Variants in USP33 observed in about 807,000 individuals in gnomAD.
USP33 encodes the protein ubiquitin specific peptidase 33.
A neutral mutation model predicts 124.2 loss-of-function variants in USP33; 46 were observed. That is an observed-to-expected ratio of 0.37 (90% confidence interval 0.29 to 0.47). The LOEUF (loss-of-function observed/expected upper bound fraction) is 0.47. Ranked by LOEUF, USP33 falls within the 20% of genes least tolerant of loss-of-function variation. The probability of loss-of-function intolerance (pLI) is 0.99; values close to 1 mark genes in which losing one functional copy is unlikely to be tolerated. For missense variants in USP33, 851 were observed against 1,070.6 expected, an observed-to-expected ratio of 0.79 and a Z score of 2.86; for synonymous variants, 350 against 352.3, an observed-to-expected ratio of 0.99 and a Z score of 0.07.
rs1264018811 is a variant in USP33, at chr1:77,696,605, A to G, written c.*712T>C. 1 of 152,336 alleles carries G rather than the reference A, an allele frequency of 6.6e-6. No individual in the cohort carries two copies. The highest frequency in any genetic ancestry group is 2.4e-5 in the African/African-American group (1 of 41,452). The allele number at this position is 152,336 out of a possible 1,614,324, so 9.4% of individuals were successfully genotyped here. A position where few individuals can be genotyped will look rare whatever the true frequency, so the allele number is the denominator to read the frequency against. On this transcript the variant is annotated 3_prime_UTR_variant, in exon 24 of 24. Transcript: ENST00000370794. The stretch of plus-strand genomic sequence containing the variant: ...CTTTATTATATGAAGCCATGACAAA[A>G]CTATACAATTAAATTGGGCTTTTGG...
At chr1:77,727,680 C>T (rs1677319369) in intron 10 of USP33, among the ~76,000 whole-genome samples, 2 of 152,212 alleles carry the variant, frequency 1.3e-5, no homozygotes. Flanking sequence ...TTTAAGATCA[C>T]ATAATTTGAA....
chr1:77,722,323 AC>A, intron 12 of USP33, 127 bp from the exon 13 acceptor site: 1 of 956,564 alleles, frequency 1.0e-6, no homozygotes, highest in East Asian at 2.6e-5. Flanking sequence ...ACAAAAAAAA[AC>A]ACGCAAATTG....
At chr1:77,705,139 G>C (rs1674476532) in intron 21 of USP33, among the ~76,000 whole-genome samples, 1 of 145,846 alleles carries the variant, frequency 6.9e-6, no homozygotes, top group Non-Finnish European at 1.5e-5. Flanking sequence ...GGGGGGGGCT[G>C]AATAAAACAA....
chr1:77,758,083 C>CAGAT (rs1360011904), intron 1 of USP33, among the ~76,000 whole-genome samples: 1 of 151,126 alleles, frequency 6.6e-6, no homozygotes, highest in Non-Finnish European at 1.5e-5. Flanking sequence ...GGCCATAAAC[C>CAGAT]AGATCATAAA....
At chr1:77,711,712 A>C (rs753615779) in intron 21 of USP33, 35 bp downstream of exon 21, 2 of 1,591,864 alleles carry the variant, frequency 1.3e-6, no homozygotes, top group Non-Finnish European at 8.5e-7. Context: ...CTTCATCTTT[A>C]TCCTAGATCA....
chr1:77,726,149 C>T (rs1677136285), intron 10 of USP33, among the ~76,000 whole-genome samples: 1 of 152,260 alleles, frequency 6.6e-6, no homozygotes, highest in South Asian at 2.1e-4. Flanking sequence ...GGGGTTTCAC[C>T]ATTTTGGCCA....
At chr1:77,721,252 T>G in intron 14 of USP33, 47 bp from the exon 15 acceptor site, 1 of 1,604,144 alleles carries the variant, frequency 6.2e-7, no homozygotes, top group Non-Finnish European at 8.5e-7. Flanking sequence ...AACAGCAAAT[T>G]GCTTATTATG....
intron 22 of USP33, among the ~76,000 whole-genome samples, chr1:77,700,130 A>G (rs1032544490): frequency 1.3e-5 from 2 of 152,210 alleles, no homozygotes; most frequent in Non-Finnish European, 2.9e-5. Context: ...TGATAGGTGG[A>G]GCAAATCGCC....
intron 1 of USP33, 110 bp downstream of exon 1, chr1:77,759,530 GGCT>G (rs1681126165): frequency 2.5e-6 from 1 of 397,900 alleles, no homozygotes; most frequent in Non-Finnish European, 4.4e-6. Flanking sequence ...AAGAAAAAGA[GGCT>G]GCTGCAGCGG....
At chr1:77,729,454 T>C (rs1333785896) in intron 9 of USP33, among the ~76,000 whole-genome samples, 1 of 151,388 alleles carries the variant, frequency 6.6e-6, no homozygotes, top group Admixed American at 6.6e-5. Context: ...GTGGATTACC[T>C]GAGGTCAGGA....
chr1:77,738,360 CTAAGT>C (rs544107759), intron 5 of USP33, among the ~76,000 whole-genome samples: 7 of 152,152 alleles, frequency 4.6e-5, no homozygotes, highest in South Asian at 2.1e-4. Flanking sequence ...GCCAACTATT[CTAAGT>C]TAATTTCCTT....
At chr1:77,723,577 A>G in intron 11 of USP33, 134 bp from the exon 12 acceptor site, 1 of 608,688 alleles carries the variant, frequency 1.6e-6, no homozygotes, top group Non-Finnish European at 2.8e-6. Flanking sequence ...ACTGTGTTGA[A>G]AATTTTCAAA....
rs1674008931 is a variant in USP33, at chr1:77,701,481, G to A, written c.2407-10C>T. ...GGAACGCTCTGTTAAGCTACAAGGGGGAAAAAAAACAGTCATCTAATATCT... is the reference window on the plus strand; with the variant it reads ...GGAACGCTCTGTTAAGCTACAAGGGAGAAAAAAAACAGTCATCTAATATCT... On this transcript the variant is annotated splice_polypyrimidine_tract_variant and intron_variant, in intron 21 of 23. Transcript: ENST00000370794. 1.3e-6 allele frequency: 2 copies of A among 1,598,160 alleles called. No individual in the cohort carries two copies. Among genetic ancestry groups the A allele is most frequent in the Non-Finnish European group, 8.5e-7 (1 of 1,172,792 alleles).
At chr1:77,734,846 G>A (rs187160071) in intron 6 of USP33, among the ~76,000 whole-genome samples, 83 of 152,222 alleles carry the variant, frequency 5.5e-4, no homozygotes, top group Admixed American at 2.2e-3. Context: ...TATTTATGCC[G>A]GGCGCAGTGG....
At chr1:77,759,474 G>A in intron 1 of USP33, 169 bp downstream of exon 1, 1 of 396,564 alleles carries the variant, frequency 2.5e-6, no homozygotes, top group Admixed American at 4.4e-5. Flanking sequence ...AGCACCGAGG[G>A]GCCAAGGCCT....
chr1:77,716,947 C>A (rs1046889474), intron 17 of USP33, among the ~76,000 whole-genome samples: 3 of 151,356 alleles, frequency 2.0e-5, no homozygotes, highest in Non-Finnish European at 4.4e-5. Context: ...CTCACTGCAA[C>A]CTCCACCTTC....
At chr1:77,741,284 A>G in intron 3 of USP33, 92 bp downstream of exon 3, 1 of 1,248,988 alleles carries the variant, frequency 8.0e-7, no homozygotes, top group Non-Finnish European at 1.1e-6. Flanking sequence ...TACAAAAATC[A>G]CTTTAAGTAT....
chr1:77,697,031 G>C lies in USP33; in HGVS notation c.*286C>G, dbSNP rs561122710. ...CAGGAGGTGGAGGCTGCAGTGAGCT[G>C]AGGTAACACCACAGCACTCCAGCCT... On this transcript the variant is annotated 3_prime_UTR_variant, in exon 24 of 24. Transcript: ENST00000370794. 3.6e-4 allele frequency: 71 copies of C among 194,612 alleles called. No individual in the cohort carries two copies. Among genetic ancestry groups the C allele is most frequent in the African/African-American group, 1.6e-3 (70 of 43,046 alleles). The allele number at this position is 194,612 out of a possible 1,614,324, so 12.1% of individuals were successfully genotyped here. A position where few individuals can be genotyped will look rare whatever the true frequency, so the allele number is the denominator to read the frequency against.
intron 1 of USP33, 132 bp from the exon 2 acceptor site, chr1:77,741,880 T>C (rs1679163643): frequency 2.2e-6 from 2 of 896,666 alleles, no homozygotes; most frequent in Admixed American, 7.6e-5. Flanking sequence ...TGATATAAGT[T>C]TGCCCTGTAA....
Sources: gnomAD v4.1 joint callset for allele counts (sites outside exome capture counted in the v4.1 genomes callset) on GRCh38, gnomAD v4.1.1 for gene constraint, MANE v1.5 for transcripts, NCBI Gene and HGNC (gene_info 2026-07-23, HGNC 2026-07-21) for gene names.